KCNQ1: variants seen among roughly 807,000 people sequenced by gnomAD.
KCNQ1 encodes potassium voltage-gated channel subfamily KQT member 1.
Under a neutral mutation model 72.4 loss-of-function variants are expected in KCNQ1, and 49 were observed. The ratio of observed to expected loss-of-function variants is 0.68; its 90% CI spans 0.54 to 0.86. KCNQ1 has a LOEUF of 0.86. Among genes scored for constraint, KCNQ1 ranks in the 40% least tolerant of loss-of-function variants. The pLI is 0.00. For missense variants in KCNQ1, 790 were observed against 945.1 expected, an observed-to-expected ratio of 0.84 and a Z score of 2.15; for synonymous variants, 450 against 412.6, an observed-to-expected ratio of 1.09 and a Z score of -1.10.
rs1160177664 is a variant in KCNQ1, at chr11:2,830,980, G to A, written c.1795-16787G>A. Among the ~76,000 whole-genome samples, 1 of 152,252 alleles carries A rather than the reference G, an allele frequency of 6.6e-6. No individual in the cohort carries two copies. Among genetic ancestry groups the A allele is most frequent in the Non-Finnish European group, 1.5e-5 (1 of 68,036 alleles). ...TGTCAAGGCAGGACAGGGAAGTGGT[G>A]ATGATGAGAGGCAGCTGGTCTGGGT... On this transcript the variant is annotated intron_variant, in intron 15 of 15. Transcript: ENST00000155840. This position sits in a 1 kb window ranked among gnomAD's most constrained non-coding sequence, Gnocchi z 7.7.
In KCNQ1 at chr11:2,483,509, A is replaced by G. The variant is rs1846687319; in HGVS notation, c.386+38025A>G. ...ATCCGGTTTCTGTTCTGTGATCCCC[A>G]CGTTGCTTTCAGCTGCCAGGTCTCC... On this transcript the variant is annotated intron_variant, in intron 1 of 15. Coordinates refer to ENST00000155840, the MANE Select transcript of KCNQ1 (RefSeq NM_000218.3). The surrounding 1 kb of genome is among the most constrained non-coding windows in gnomAD (Gnocchi z 6.1). Among the ~76,000 whole-genome samples, 6 of 151,994 alleles carry G rather than the reference A, an allele frequency of 3.9e-5. No individual in the cohort carries two copies. In the South Asian group the frequency reaches 1.2e-3, roughly 32 times the overall value.
chr11:2,478,333 G>A lies in KCNQ1; in HGVS notation c.386+32849G>A, dbSNP rs1201631887. 6.6e-6 allele frequency among the ~76,000 whole-genome samples: 1 copy of A among 152,152 alleles called. No homozygotes were observed. The highest frequency in any genetic ancestry group is 1.5e-5 in the Non-Finnish European group (1 of 68,032). On this transcript the variant is annotated intron_variant, in intron 1 of 15. Coordinates refer to ENST00000155840, the MANE Select transcript of KCNQ1 (RefSeq NM_000218.3). This position sits in a 1 kb window ranked among gnomAD's most constrained non-coding sequence, Gnocchi z 4.0. ...TATGATTCCACTATGTTATGTATTA[G>A]TCCATTTTCAAATTACTGATAAAGA... is the stretch of plus-strand genomic sequence containing the variant.
chr11:2,573,673 C>T (rs564708243), intron 6 of KCNQ1, among the ~76,000 whole-genome samples: 19 of 151,914 alleles, frequency 1.3e-4, no homozygotes, highest in African/African-American at 3.6e-4. Context: ...TAGAGCAGCC[C>T]GGGAGCCTTG....
rs1010422109 is a variant in KCNQ1 at position 2,725,307 on chromosome 11, G to T, written c.1515-43537G>T. On this transcript the variant is annotated intron_variant, in intron 11 of 15. Transcript: ENST00000155840. This position sits in a 1 kb window ranked among gnomAD's most constrained non-coding sequence, Gnocchi z 7.2. The stretch of plus-strand genomic sequence containing the variant: ...TCGGGGGCTCAGCCACGGGACCAGC[G>T]CTTGCCAGAAATGTTCCCAGCTTTT... Among the ~76,000 whole-genome samples, 1 of 152,202 alleles carries T rather than the reference G, an allele frequency of 6.6e-6. No individual in the cohort carries two copies. The highest frequency in any genetic ancestry group is 2.4e-5 in the African/African-American group (1 of 41,448).
rs996360997 is a variant in KCNQ1 at position 2,725,603 on chromosome 11, G to A, written c.1515-43241G>A. Among the ~76,000 whole-genome samples, 18 of 152,244 alleles carry A rather than the reference G, an allele frequency of 1.2e-4. No individual in the cohort carries two copies. The highest frequency in any genetic ancestry group is 5.8e-4 in the East Asian group (3 of 5,172). ...TGGAACCCAAGTCAGACTTGCCCTC[G>A]CCCCCTTCCCGAACGTACCCTTTCC... On this transcript the variant is annotated intron_variant, in intron 11 of 15. Coordinates refer to ENST00000155840, the MANE Select transcript of KCNQ1 (RefSeq NM_000218.3). The surrounding 1 kb of genome is among the most constrained non-coding windows in gnomAD (Gnocchi z 7.2).
At chr11:2,535,971 G>T (rs1453207709) in intron 2 of KCNQ1, among the ~76,000 whole-genome samples, 1 of 152,214 alleles carries the variant, frequency 6.6e-6, no homozygotes, top group Non-Finnish European at 1.5e-5. Flanking sequence ...CAGTCTCAGA[G>T]CCTGAGGCCC....
At position 2,848,269 on chromosome 11, in the gene KCNQ1, G is replaced by C. The variant is rs113029000; in HGVS notation, c.*266G>C. On this transcript the variant is annotated 3_prime_UTR_variant, in exon 16 of 16. Transcript: ENST00000155840. ...GCCCTGGCCCCCACATGGTGATGTT[G>C]ACATCACTGGCATGGTGGTTGGGAC... 1.6e-6 allele frequency: 1 copy of C among 642,782 alleles called. No individual in the cohort carries two copies. The highest frequency in any genetic ancestry group is 2.8e-6 in the Non-Finnish European group (1 of 351,506). The allele number at this position is 642,782 out of a possible 1,614,324, so 39.8% of individuals were successfully genotyped here.
chr11:2,656,110 A>G (rs1258734317), intron 10 of KCNQ1: 2 of 398,510 alleles, frequency 5.0e-6, no homozygotes, highest in African/African-American at 2.1e-5. Flanking sequence ...AAGCAACTCT[A>G]CGTTCTAGCC....
chr11:2,700,873 G>A (rs1244685985), intron 11 of KCNQ1, among the ~76,000 whole-genome samples: 5 of 152,042 alleles, frequency 3.3e-5, no homozygotes, highest in African/African-American at 1.2e-4. Flanking sequence ...TGAATGCCAA[G>A]CATTGCCATA....
rs67308056 is a variant in KCNQ1, at chr11:2,803,154, G to GCC, written c.1794+25127_1794+25128dup. ...AGGGTAGCCCAGAAAACCCAGCCGG[G>GCC]CCCCCCCCCCCACGGGCACCCAGGA... is the stretch of plus-strand genomic sequence containing the variant. On this transcript the variant is annotated intron_variant, in intron 15 of 15. Coordinates refer to ENST00000155840, the MANE Select transcript of KCNQ1 (RefSeq NM_000218.3). The surrounding 1 kb of genome is among the most constrained non-coding windows in gnomAD (Gnocchi z 6.4). Among the ~76,000 whole-genome samples, 12 of 21,450 alleles carry GCC rather than the reference G, an allele frequency of 5.6e-4. No individual in the cohort carries two copies. Among genetic ancestry groups the GCC allele is most frequent in the Non-Finnish European group, 4.7e-4 (3 of 6,350 alleles). The allele number at this position is 21,450 out of a possible 152,430, so 14.1% of individuals were successfully genotyped here.
rs1196626942 is a variant in KCNQ1, at chr11:2,838,007, CTCTG to C, written c.1795-9756_1795-9753del. Among the ~76,000 whole-genome samples the C allele has an allele frequency of 3.9e-5, 6 of 152,360 alleles. No individual in the cohort carries two copies. The South Asian group carries it at 1.0e-3, about 26-fold the overall frequency. ...AGAGGGGGTCATGGGCCCCAGAGGC[CTCTG>C]TCTTAGAGAAAAATGGTGGCAACGT... On this transcript the variant is annotated intron_variant, in intron 15 of 15. Transcript: ENST00000155840.
intron 11 of KCNQ1, among the ~76,000 whole-genome samples, chr11:2,722,352 C>T (rs1018839667): frequency 2.6e-5 from 4 of 152,146 alleles, no homozygotes; most frequent in Non-Finnish European, 5.9e-5. Context: ...TTGTACAGAA[C>T]GAGGCAAGGC....
Position 2,782,863 on chromosome 11 carries a change from T to C in KCNQ1, c.1794+4826T>C, listed in dbSNP as rs1014959700. On this transcript the variant is annotated intron_variant, in intron 15 of 15. Transcript: ENST00000155840. The surrounding 1 kb of genome is among the most constrained non-coding windows in gnomAD (Gnocchi z 6.1). ...CTATTCCCCTGTCTTATTAAATGTT[T>C]CGTGGACTTCTGGCTTTGCTGATCC... is the stretch of plus-strand genomic sequence containing the variant. Among the ~76,000 whole-genome samples the C allele has an allele frequency of 6.6e-6, 1 of 152,196 alleles. No individual in the cohort carries two copies. Among genetic ancestry groups the C allele is most frequent in the Non-Finnish European group, 1.5e-5 (1 of 68,026 alleles).
Position 2,595,687 on chromosome 11 carries a change from T to C in KCNQ1, c.1393+6833T>C, listed in dbSNP as rs1285165150. On this transcript the variant is annotated intron_variant, in intron 10 of 15. Transcript: ENST00000155840. The surrounding 1 kb of genome is among the most constrained non-coding windows in gnomAD (Gnocchi z 5.0). ...GCACCTGGTCATCCAAGACCTCTGATGGAGATGTACAAGATTAGTGTTGTT... is the reference window on the plus strand; with the variant it reads ...GCACCTGGTCATCCAAGACCTCTGACGGAGATGTACAAGATTAGTGTTGTT... Among the ~76,000 whole-genome samples, 2 of 137,092 alleles carry C rather than the reference T, an allele frequency of 1.5e-5. No individual in the cohort carries two copies. Among genetic ancestry groups the C allele is most frequent in the Non-Finnish European group, 3.0e-5 (2 of 67,420 alleles). The allele number at this position is 137,092 out of a possible 152,430, so 89.9% of individuals were successfully genotyped here.
At chr11:2,470,165 C>T (rs760811966) in intron 1 of KCNQ1, among the ~76,000 whole-genome samples, 19 of 152,278 alleles carry the variant, frequency 1.2e-4, no homozygotes, top group East Asian at 5.8e-4. Flanking sequence ...CTGGCTATGT[C>T]GCTGACAATC....
rs1313072810 is a variant in KCNQ1 at position 2,670,565 on chromosome 11, GGA to G, written c.1514+8487_1514+8488del. The G allele has an allele frequency of 2.5e-6, 1 of 398,070 alleles. No individual in the cohort carries two copies. Among genetic ancestry groups the G allele is most frequent in the Non-Finnish European group, 4.4e-6 (1 of 226,032 alleles). 24.7% of individuals were successfully genotyped at this position (398,070 alleles called of 1,614,324 possible). ...GGATAGGGACTTGCCAGTATCACTG[GGA>G]GATAGGAGCAGAAGCCAGGGCTCAT... On this transcript the variant is annotated intron_variant, in intron 11 of 15. Coordinates refer to ENST00000155840, the MANE Select transcript of KCNQ1 (RefSeq NM_000218.3). This position sits in a 1 kb window ranked among gnomAD's most constrained non-coding sequence, Gnocchi z 4.9.
intron 10 of KCNQ1, chr11:2,619,097 T>C (rs1302042065): frequency 5.0e-6 from 2 of 398,438 alleles, no homozygotes; most frequent in Non-Finnish European, 8.8e-6. Context: ...GGGTTTTCTA[T>C]ATGTAGGATC....
chr11:2,605,201 G>C (rs1848862390), intron 10 of KCNQ1, among the ~76,000 whole-genome samples: 1 of 152,160 alleles, frequency 6.6e-6, no homozygotes, highest in African/African-American at 2.4e-5. Context: ...TCCCCTATCA[G>C]ATAGATTATT....
chr11:2,650,570 T>C (rs1849741776), intron 10 of KCNQ1: 1 of 398,638 alleles, frequency 2.5e-6, no homozygotes, highest in African/African-American at 2.1e-5. Flanking sequence ...GCTTGGTGCT[T>C]AGGATGTCTG....
Sources: allele counts gnomAD v4.1 joint callset (sites outside exome capture counted in the v4.1 genomes callset), GRCh38; gene constraint gnomAD v4.1.1; non-coding constraint Gnocchi (gnomAD v3.1); transcripts MANE v1.5; gene names NCBI Gene and HGNC (gene_info 2026-07-23, HGNC 2026-07-21).